Variants in OR9Q1 observed in about 807,000 individuals in gnomAD.
The protein encoded by OR9Q1 is olfactory receptor family 9 subfamily Q member 1, also known as olfactory receptor 9Q1.
For synonymous variants in OR9Q1, 153 were observed against 148.6 expected (o/e 1.03, Z -0.22); for missense variants, 374 against 378.8 (o/e 0.99, Z 0.11).
chr11:58,128,192 A>C (rs1197547282), intron 2 of OR9Q1, among the ~76,000 whole-genome samples: 1 of 151,266 alleles, frequency 6.6e-6, no homozygotes, highest in Non-Finnish European at 1.5e-5. Context: ...TTAATAGAAA[A>C]AATATTTCAA....
Position 58,048,669 on chromosome 11 carries a change from TA to T in OR9Q1, c.-92-7190del, listed in dbSNP as rs369007273. 2.1e-3 allele frequency among the ~76,000 whole-genome samples: 217 copies of T among 104,006 alleles called. 1 individual carries two copies. In the East Asian group the frequency reaches 0.022, roughly 10 times the overall value. The allele number at this position is 104,006 out of a possible 152,430, so 68.2% of individuals were successfully genotyped here. A position where few individuals can be genotyped will look rare whatever the true frequency, so the allele number is the denominator to read the frequency against. On this transcript the variant is annotated intron_variant, in intron 1 of 2. Transcript: ENST00000335397. ...GGGCAATAGAGCAAGGACTCCATCT[TA>T]AAAAAAAAAATATATATATATATAT...
intron 1 of OR9Q1, among the ~76,000 whole-genome samples, chr11:58,048,004 T>C (rs535470206): frequency 6.6e-6 from 1 of 152,308 alleles, no homozygotes; most frequent in East Asian, 1.9e-4. Flanking sequence ...TTTTCTCATG[T>C]TCCAAGTTTG....
At chr11:58,029,629 A>T (rs1051868144) in intron 1 of OR9Q1, among the ~76,000 whole-genome samples, 2 of 152,190 alleles carry the variant, frequency 1.3e-5, no homozygotes. Context: ...CTGTTTTTTA[A>T]AAAATGGGAT....
At chr11:58,155,936 G>A (rs1217478620) in intron 2 of OR9Q1, among the ~76,000 whole-genome samples, 27 of 121,816 alleles carry the variant, frequency 2.2e-4, no homozygotes, top group Non-Finnish European at 3.4e-5. Flanking sequence ...TTTTTTTTGA[G>A]ATAGACTTGC....
At chr11:58,026,541 A>G (rs1043474848) in intron 1 of OR9Q1, among the ~76,000 whole-genome samples, 18 of 151,724 alleles carry the variant, frequency 1.2e-4, no homozygotes, top group African/African-American at 4.4e-4. Flanking sequence ...AATTAGCTGG[A>G]TATGGTGATG....
intron 2 of OR9Q1, chr11:58,119,013 C>G (rs764332827): frequency 1.2e-6 from 2 of 1,613,854 alleles, no homozygotes; most frequent in Non-Finnish European, 8.5e-7. Context: ...CTCCTACCAC[C>G]AGGCTCCAGC....
chr11:58,128,006 A>G (rs1854105441), intron 2 of OR9Q1, among the ~76,000 whole-genome samples: 1 of 152,132 alleles, frequency 6.6e-6, no homozygotes, highest in Admixed American at 6.5e-5. Flanking sequence ...TACCATTTAA[A>G]TTGAAAAAAA....
chr11:58,053,509 T>G, intron 1 of OR9Q1, among the ~76,000 whole-genome samples: 1 of 143,602 alleles, frequency 7.0e-6, no homozygotes, highest in Non-Finnish European at 1.5e-5. Context: ...AATGACGAGT[T>G]AATGGGTGCA....
chr11:58,169,243 T>A (rs1854533319), intron 2 of OR9Q1, among the ~76,000 whole-genome samples: 1 of 152,172 alleles, frequency 6.6e-6, no homozygotes, highest in Admixed American at 6.6e-5. Context: ...TGTAATGGAT[T>A]CTTTTAATCC....
intron 2 of OR9Q1, among the ~76,000 whole-genome samples, chr11:58,085,859 C>T (rs1853629167): frequency 6.6e-6 from 1 of 151,718 alleles, no homozygotes; most frequent in Admixed American, 6.6e-5. Flanking sequence ...AAGAACCCCG[C>T]ACCCATCCAC....
intron 2 of OR9Q1, among the ~76,000 whole-genome samples, chr11:58,080,981 C>G (rs545151878): frequency 2.0e-5 from 3 of 152,146 alleles, no homozygotes; most frequent in East Asian, 1.9e-4. Flanking sequence ...CCCCACCCCC[C>G]GACAGGACCC....
intron 2 of OR9Q1, among the ~76,000 whole-genome samples, chr11:58,153,851 A>G (rs1854377989): frequency 6.6e-6 from 1 of 152,212 alleles, no homozygotes; most frequent in Non-Finnish European, 1.5e-5. Context: ...TCAGCATATG[A>G]GAAGAGCAGA....
rs1355338126 is a variant in OR9Q1 at position 58,102,481 on chromosome 11, TC to T, written c.-15+46536del. The stretch of plus-strand genomic sequence containing the variant: ...GGTGTTGATGAATTTCCTCAGTCTT[TC>T]CTTTCTTGAAAATATTTTATTTCTC... On this transcript the variant is annotated intron_variant, in intron 2 of 2. Coordinates refer to ENST00000335397, the MANE Select transcript of OR9Q1 (RefSeq NM_001005212.4). 4.6e-5 allele frequency among the ~76,000 whole-genome samples: 7 copies of T among 152,246 alleles called. No individual in the cohort carries two copies. The East Asian group carries it at 1.3e-3, about 29-fold the overall frequency.
At chr11:58,125,436 G>A (rs1428749257) in intron 2 of OR9Q1, 3 of 152,084 alleles carry the variant, frequency 2.0e-5, no homozygotes, top group South Asian at 4.1e-4. Context: ...ATTACCTGGT[G>A]GAATAATTCA....
At chr11:58,091,890 T>C (rs1444443182) in intron 2 of OR9Q1, among the ~76,000 whole-genome samples, 1 of 152,214 alleles carries the variant, frequency 6.6e-6, no homozygotes, top group Non-Finnish European at 1.5e-5. Context: ...TTTACCATTA[T>C]GTAATACCCT....
At chr11:58,089,261 G>A (rs1853661968) in intron 2 of OR9Q1, among the ~76,000 whole-genome samples, 1 of 151,770 alleles carries the variant, frequency 6.6e-6, no homozygotes, top group East Asian at 1.9e-4. Flanking sequence ...TTTTCTTCTA[G>A]GGTTTTTATG....
chr11:58,061,825 G>T (rs1364814020), intron 2 of OR9Q1, among the ~76,000 whole-genome samples: 1 of 152,202 alleles, frequency 6.6e-6, no homozygotes, highest in Non-Finnish European at 1.5e-5. Flanking sequence ...GCATTGAGGT[G>T]CCAGCGGTGG....
intron 1 of OR9Q1, among the ~76,000 whole-genome samples, chr11:58,027,961 C>CG (rs199951184): frequency 6.7e-5 from 10 of 150,022 alleles, no homozygotes; most frequent in East Asian, 3.9e-4. Context: ...GGGTGGATGT[C>CG]GGGGGGGCAT....
rs1279609425 is a variant in OR9Q1 at position 58,052,740 on chromosome 11, A to T, written c.-92-3130A>T. ...TATCCAGAATCTACAATGAACTCAA[A>T]CAAATTTAGGAGAAAAAAACAAACA... On this transcript the variant is annotated intron_variant, in intron 1 of 2. Transcript: ENST00000335397. Among the ~76,000 whole-genome samples, 4 of 149,390 alleles carry T rather than the reference A, an allele frequency of 2.7e-5. No individual in the cohort carries two copies. The South Asian group carries it at 6.6e-4, about 25-fold the overall frequency.
Sources: allele counts gnomAD v4.1 joint callset (sites outside exome capture counted in the v4.1 genomes callset), GRCh38; gene constraint gnomAD v4.1.1; transcripts MANE v1.5; gene names NCBI Gene and HGNC (gene_info 2026-07-23, HGNC 2026-07-21).